The following TENM2 variants were observed in gnomAD, a reference collection of about 807,000 sequenced individuals.
TENM2 encodes teneurin transmembrane protein 2, also known as teneurin-2.
A neutral mutation model predicts 245.2 loss-of-function variants in TENM2; 52 were observed. That is an observed-to-expected ratio of 0.21 (90% CI 0.17 to 0.27). The LOEUF (loss-of-function observed/expected upper bound fraction) is 0.27, where lower values mean the gene tolerates loss of function less well. Ranked by LOEUF, TENM2 falls within the 10% of genes least tolerant of loss-of-function variation. TENM2 has a pLI of 1.00. For missense variants in TENM2, 3,046 were observed against 3,666.8 expected (o/e 0.83, Z 4.37); for synonymous variants, 1,363 against 1,438.9 (o/e 0.95, Z 1.19).
At chr5:167,284,323 A>C (rs1398266011), upstream of TENM2, among the ~76,000 whole-genome samples, 1 of 152,138 alleles carries the variant, frequency 6.6e-6, no homozygotes, top group Non-Finnish European at 1.5e-5. Context: ...CTGCTGCTGC[A>C]CCTTTCTTTG....
At chr5:168,120,189 A>G (rs1170099380) in intron 10 of TENM2, among the ~76,000 whole-genome samples, 3 of 151,518 alleles carry the variant, frequency 2.0e-5, no homozygotes, top group Non-Finnish European at 4.4e-5. Flanking sequence ...TAATGCCCTT[A>G]ATGGGGACCA....
chr5:167,787,234 T>C (rs529116372), intron 2 of TENM2, among the ~76,000 whole-genome samples: 1 of 152,314 alleles, frequency 6.6e-6, no homozygotes, highest in East Asian at 1.9e-4. Flanking sequence ...CTTCTTTTGT[T>C]GGTCTTACAT....
At chr5:167,930,870 C>T (rs953605213) in intron 3 of TENM2, among the ~76,000 whole-genome samples, 1 of 151,996 alleles carries the variant, frequency 6.6e-6, no homozygotes, top group East Asian at 1.9e-4. Flanking sequence ...ATTATTTTTG[C>T]TCTGATAGAA....
At chr5:167,041,080 G>A in the TENM2 span, among the ~76,000 whole-genome samples, 1 of 152,148 alleles carries the variant, frequency 6.6e-6, no homozygotes, top group African/African-American at 2.4e-5. Context: ...AATAAACTAA[G>A]GGCCACATGT....
intron 2 of TENM2, among the ~76,000 whole-genome samples, chr5:167,707,164 G>T (rs1038565491): frequency 1.5e-4 from 23 of 151,842 alleles, no homozygotes; most frequent in African/African-American, 5.3e-4. Flanking sequence ...GATGATTAAT[G>T]ATGCTGGGCA....
chr5:168,082,382 C>T (rs1792083860), intron 7 of TENM2, among the ~76,000 whole-genome samples: 1 of 152,142 alleles, frequency 6.6e-6, no homozygotes, highest in African/African-American at 2.4e-5. Flanking sequence ...CGAACATCCT[C>T]CTTTAGGTCT....
chr5:167,181,466 T>TTGTG, the TENM2 span, among the ~76,000 whole-genome samples: 15,223 of 122,316 alleles, frequency 0.12, 1,177 homozygotes, highest in African/African-American at 0.2. Flanking sequence ...AGCCGCTCGT[T>TTGTG]TGTGTGTGTG....
At chr5:167,274,121 A>G in the TENM2 span, among the ~76,000 whole-genome samples, 1 of 152,124 alleles carries the variant, frequency 6.6e-6, no homozygotes, top group African/African-American at 2.4e-5. Flanking sequence ...TTGATTCCAC[A>G]TGTTGCCCAT....
At chr5:167,366,388 C>T (rs1422531) in intron 1 of TENM2, among the ~76,000 whole-genome samples, 37,686 of 151,882 alleles carry the variant, frequency 0.25, 4,761 homozygotes, top group East Asian at 0.4. Context: ...CAAGTTTCTT[C>T]CTCTGTAGAC....
intron 5 of TENM2, among the ~76,000 whole-genome samples, chr5:168,039,009 C>G (rs994340706): frequency 6.6e-6 from 1 of 152,214 alleles, no homozygotes; most frequent in African/African-American, 2.4e-5. Flanking sequence ...CCCTTGCCTG[C>G]AGCCACTGAG....
At chr5:167,250,555 G>C in the TENM2 span, among the ~76,000 whole-genome samples, 4 of 152,124 alleles carry the variant, frequency 2.6e-5, no homozygotes, top group Non-Finnish European at 4.4e-5. Context: ...CTGACATATA[G>C]TATAATGCAT....
At chr5:167,047,233 G>A in the TENM2 span, among the ~76,000 whole-genome samples, 10 of 152,092 alleles carry the variant, frequency 6.6e-5, no homozygotes, top group African/African-American at 2.4e-4. Context: ...TGAAGCTAAA[G>A]TCATCTCTGA....
chr5:168,247,557 T>C lies in TENM2; in HGVS notation c.6618T>C (p.Asp2206=), dbSNP rs1766697923. 3 of 1,612,686 alleles carry C rather than the reference T, an allele frequency of 1.9e-6. No homozygotes were observed. Among genetic ancestry groups the C allele is most frequent in the Non-Finnish European group, 1.7e-6 (2 of 1,178,998 alleles). Residue 2206 remains aspartate, a synonymous_variant, in exon 27 of 29, where the codon GAT becomes GAC. Transcript: ENST00000518659. This position sits in a 1 kb window ranked among gnomAD's most constrained non-coding sequence, Gnocchi z 7.8. ...CCACGAAGTACACCTATGACTACGA[T>C]GGGGACGGGCAGCTCCAGAGCGTGG...
intron 2 of TENM2, among the ~76,000 whole-genome samples, chr5:167,427,740 AAAGGAAGGG>A (rs1441869368): frequency 9.1e-4 from 37 of 40,658 alleles, no homozygotes; most frequent in African/African-American, 3.5e-3. Context: ...GAAAGGACGG[AAAGGAAGGG>A]AAGGAAGGGA....
chr5:167,552,148 G>A (rs1772988027), intron 2 of TENM2, among the ~76,000 whole-genome samples: 1 of 152,186 alleles, frequency 6.6e-6, no homozygotes, highest in Non-Finnish European at 1.5e-5. Context: ...TATCACAAAT[G>A]AATGAGCTAG....
At chr5:167,868,372 A>G (rs985914683) in intron 2 of TENM2, among the ~76,000 whole-genome samples, 25 of 152,124 alleles carry the variant, frequency 1.6e-4, no homozygotes, top group African/African-American at 6.0e-4. Context: ...ATATAAATAC[A>G]TAATATGATA....
intron 2 of TENM2, chr5:167,755,291 A>C: frequency 1.2e-6 from 1 of 834,412 alleles, no homozygotes. Flanking sequence ...AGCGGATACC[A>C]AGGGAGAGAT....
At chr5:167,309,327 G>A (rs1457269876) in intron 1 of TENM2, among the ~76,000 whole-genome samples, 1 of 152,132 alleles carries the variant, frequency 6.6e-6, no homozygotes, top group Non-Finnish European at 1.5e-5. Flanking sequence ...AAAGCGATAT[G>A]CATTCAGCAC....
the TENM2 span, among the ~76,000 whole-genome samples, chr5:166,987,420 G>GGGGTGT: frequency 6.8e-6 from 1 of 147,090 alleles, no homozygotes; most frequent in African/African-American, 2.5e-5. Context: ...GTTTAGTAAG[G>GGGGTGT]GTGTGTGTGT....
Sources: allele counts gnomAD v4.1 joint callset (sites outside exome capture counted in the v4.1 genomes callset), GRCh38; gene constraint gnomAD v4.1.1; non-coding constraint Gnocchi (gnomAD v3.1); transcripts MANE v1.5; gene names NCBI Gene and HGNC (gene_info 2026-07-23, HGNC 2026-07-21).